Variants in TNNI3K observed in about 807,000 individuals in gnomAD.
TNNI3K encodes the protein TNNI3 interacting kinase, also known as serine/threonine-protein kinase TNNI3K.
Under a neutral mutation model 114.5 loss-of-function variants are expected in TNNI3K, and 140 were observed. That is an observed-to-expected ratio of 1.22 (90% confidence interval 1.07 to 1.41). TNNI3K has a LOEUF of 1.41. TNNI3K is among the 40% of genes most tolerant of loss of function. The pLI is 0.00. For synonymous variants in TNNI3K, 347 were observed against 347.5 expected (o/e 1.00, Z 0.02); for missense variants, 1,125 against 1,007.6 (o/e 1.12, Z -1.58).
intron 23 of TNNI3K, among the ~76,000 whole-genome samples, chr1:74,522,490 T>C (rs1257959564): frequency 6.6e-6 from 1 of 152,082 alleles, no homozygotes; most frequent in African/African-American, 2.4e-5. Flanking sequence ...TAGTACGAGT[T>C]GCATGACTAA....
intron 5 of TNNI3K, among the ~76,000 whole-genome samples, chr1:74,311,237 A>G (rs1290824940): frequency 1.3e-5 from 2 of 152,148 alleles, no homozygotes; most frequent in Non-Finnish European, 2.9e-5. Flanking sequence ...CTTCTTTCAG[A>G]AATGTGAGCA....
In TNNI3K at chr1:74,504,638, T is replaced by TA. The variant is rs201485160; in HGVS notation, c.2351+12380dup. On this transcript the variant is annotated intron_variant, in intron 23 of 24. Coordinates refer to ENST00000326637, the MANE Select transcript of TNNI3K (RefSeq NM_015978.3). Reference sequence around the variant, plus strand: ...CCTACGTGTGTAAAATTGACACCTTTAAAAAAAATTTAAGTACCTGGATTT... The same window carrying TA: ...CCTACGTGTGTAAAATTGACACCTTTAAAAAAAAATTTAAGTACCTGGATTT... Among the ~76,000 whole-genome samples, 1,221 of 152,048 alleles carry TA rather than the reference T, an allele frequency of 8.0e-3. 17 individuals are homozygous for TA. The highest frequency in any genetic ancestry group is 0.029 in the African/African-American group (1,187 of 41,478).
chr1:74,334,138 T>C (rs1425598169), intron 6 of TNNI3K, among the ~76,000 whole-genome samples: 1 of 152,210 alleles, frequency 6.6e-6, no homozygotes, highest in East Asian at 1.9e-4. Flanking sequence ...ATTCCAACTT[T>C]AGCAATGAAG....
At chr1:74,507,849 G>C (rs1669983845) in intron 23 of TNNI3K, among the ~76,000 whole-genome samples, 1 of 152,184 alleles carries the variant, frequency 6.6e-6, no homozygotes, top group Non-Finnish European at 1.5e-5. Context: ...GCTGAAAATT[G>C]AAGCAGCGTT....
rs570827086 is a variant in TNNI3K at position 74,246,195 on chromosome 1, G to C, written c.150-3264G>C. On this transcript the variant is annotated intron_variant, in intron 2 of 24. Transcript: ENST00000326637. ...TGGCAGTAACTTCACAAAATAACAT[G>C]ATTCTTAGAAATGTGTGGTCTTTGG... 9.8e-4 allele frequency among the ~76,000 whole-genome samples: 149 copies of C among 152,324 alleles called. 1 individual carries two copies. The highest frequency in any genetic ancestry group is 3.5e-3 in the African/African-American group (145 of 41,576).
chr1:74,533,869 AC>A lies in TNNI3K; in HGVS notation c.2352-6364del, dbSNP rs1646625664. ...TAGGTGGGAATTGAACAATGAGAAG[AC>A]ATGTGCTATTATTAAATGGAGTGTG... On this transcript the variant is annotated intron_variant, in intron 23 of 24. Coordinates refer to ENST00000326637, the MANE Select transcript of TNNI3K (RefSeq NM_015978.3). 2.6e-5 allele frequency among the ~76,000 whole-genome samples: 4 copies of A among 152,314 alleles called. No individual in the cohort carries two copies. The South Asian group carries it at 8.3e-4, about 32-fold the overall frequency.
At chr1:74,514,051 G>A (rs985136434) in intron 23 of TNNI3K, among the ~76,000 whole-genome samples, 3 of 152,114 alleles carry the variant, frequency 2.0e-5, no homozygotes, top group Non-Finnish European at 4.4e-5. Context: ...CGATAACTGC[G>A]TTTTTCAATT....
At chr1:74,327,443 C>A (rs895342883) in intron 5 of TNNI3K, among the ~76,000 whole-genome samples, 8 of 146,576 alleles carry the variant, frequency 5.5e-5, no homozygotes, top group Non-Finnish European at 1.0e-4. Flanking sequence ...ATATAAAATA[C>A]TGCTACTGAG....
At chr1:74,355,590 G>T (rs990695231) in intron 11 of TNNI3K, among the ~76,000 whole-genome samples, 2 of 151,598 alleles carry the variant, frequency 1.3e-5, no homozygotes, top group Non-Finnish European at 2.9e-5. Flanking sequence ...GCAACAGGGC[G>T]ATACTCCGTC....
chr1:74,274,310 G>A (rs751008755), intron 5 of TNNI3K, among the ~76,000 whole-genome samples: 2 of 151,932 alleles, frequency 1.3e-5, no homozygotes, highest in Non-Finnish European at 2.9e-5. Context: ...AAGAGGAGGG[G>A]TAGGTTTTGC....
At chr1:74,359,566 T>G (rs2100495144) in intron 11 of TNNI3K, among the ~76,000 whole-genome samples, 1 of 152,178 alleles carries the variant, frequency 6.6e-6, no homozygotes, top group East Asian at 1.9e-4. Flanking sequence ...ACCATTAATT[T>G]TAAGCCTCAG....
intron 21 of TNNI3K, among the ~76,000 whole-genome samples, chr1:74,465,774 G>A (rs1340169777): frequency 6.6e-6 from 1 of 152,178 alleles, no homozygotes. Flanking sequence ...GGTTGTAAAT[G>A]CACCAATCAG....
chr1:74,373,260 A>C (rs1314650077), intron 17 of TNNI3K: 1 of 151,950 alleles, frequency 6.6e-6, no homozygotes, highest in Non-Finnish European at 1.5e-5. Context: ...TAAGTCAAAG[A>C]TGAAAGTTGA....
At chr1:74,343,300 A>C (rs895623230) in intron 9 of TNNI3K, 121 bp downstream of exon 9, 2 of 1,093,144 alleles carry the variant, frequency 1.8e-6, no homozygotes, top group Admixed American at 5.2e-5. Context: ...GCAATAGCAG[A>C]GGTAGGGCAG....
chr1:74,470,373 C>A (rs1484711452), intron 21 of TNNI3K: 1 of 400,468 alleles, frequency 2.5e-6, no homozygotes, highest in Non-Finnish European at 4.4e-6. Context: ...GCATATTTTT[C>A]TCTTCTTTCC....
chr1:74,401,910 G>A (rs1278368739), intron 17 of TNNI3K: 1 of 452,720 alleles, frequency 2.2e-6, no homozygotes, highest in Non-Finnish European at 4.4e-6. Context: ...TACTTTAACA[G>A]GGAAGAATGC....
chr1:74,418,390 A>T (rs1665232447), intron 17 of TNNI3K: 1 of 172,544 alleles, frequency 5.8e-6, no homozygotes, highest in South Asian at 1.1e-4. Context: ...CAATTTATTT[A>T]GACAGCTCAT....
chr1:74,280,463 C>T (rs747946172), intron 5 of TNNI3K, among the ~76,000 whole-genome samples: 14 of 152,216 alleles, frequency 9.2e-5, no homozygotes, highest in Middle Eastern at 3.4e-3. Context: ...CTAAACTCTT[C>T]CCCACCTCCC....
In TNNI3K at chr1:74,343,154, A is replaced by G. The variant is rs200235152; in HGVS notation, c.907A>G (p.Ile303Val). The G allele has an allele frequency of 6.2e-7, 1 of 1,612,534 alleles. No individual in the cohort carries two copies. The highest frequency in any genetic ancestry group is 8.5e-7 in the Non-Finnish European group (1 of 1,179,460). Reference sequence around the variant, plus strand: ...AACAGAAAGTCTGACTAAGGAAAACATCTTCAGTGAAACAGCTTTTCATAG... The same window carrying G: ...AACAGAAAGTCTGACTAAGGAAAACGTCTTCAGTGAAACAGCTTTTCATAG... ...SGTESLTKEN[I>V]FSETAFHSAC... is the part of the protein sequence containing the mutation. The change falls in exon 9 of 25, where the codon ATC becomes GTC. Residue 303 changes from isoleucine to valine, a missense_variant. By Grantham distance (29) the Ile-to-Val change is conservative. Coordinates refer to ENST00000326637, the MANE Select transcript of TNNI3K (RefSeq NM_015978.3).
Sources: allele counts gnomAD v4.1 joint callset (sites outside exome capture counted in the v4.1 genomes callset), GRCh38; gene constraint gnomAD v4.1.1; transcripts MANE v1.5; gene names NCBI Gene and HGNC (gene_info 2026-07-23, HGNC 2026-07-21).